The following MTR variants were observed in gnomAD, a reference collection of about 807,000 sequenced individuals.
The protein encoded by MTR is 5-methyltetrahydrofolate-homocysteine methyltransferase, also known as methionine synthase.
In MTR, 84 loss-of-function variants were observed where a neutral mutation model predicts 154.8. That is an observed-to-expected ratio of 0.54 (90% CI 0.45 to 0.65). The LOEUF is 0.65. Ranked by LOEUF, MTR falls within the 30% of genes least tolerant of loss-of-function variation. The pLI is 0.00. For synonymous variants in MTR, 554 were observed against 553.9 expected, an observed-to-expected ratio of 1.00 and a Z score of 0.00; for missense variants, 1,275 against 1,570.2, an observed-to-expected ratio of 0.81 and a Z score of 3.18.
chr1:236,819,499 G>T, intron 8 of MTR: 1 of 300,430 alleles, frequency 3.3e-6, no homozygotes, highest in African/African-American at 2.2e-5. Context: ...TCCCATTCAT[G>T]TATTGAAGAC....
At chr1:236,815,246 A>G (rs1301351292) in intron 6 of MTR, among the ~76,000 whole-genome samples, 1 of 152,206 alleles carries the variant, frequency 6.6e-6, no homozygotes, top group African/African-American at 2.4e-5. Flanking sequence ...CTCAACTGCA[A>G]CCTTGAGCTC....
At chr1:236,859,703 A>G (rs1257272929) in intron 18 of MTR, 130 bp from the exon 19 acceptor site, 1 of 719,034 alleles carries the variant, frequency 1.4e-6, no homozygotes, top group African/African-American at 1.7e-5. Context: ...TATGCTGGAC[A>G]GTCTACTAGG....
At chr1:236,863,086 C>T (rs1296301758) in intron 21 of MTR, among the ~76,000 whole-genome samples, 4 of 152,202 alleles carry the variant, frequency 2.6e-5, no homozygotes, top group Non-Finnish European at 5.9e-5. Context: ...GGGACATACA[C>T]ATACAGTTAA....
chr1:236,808,342 G>A (rs1303503178), intron 3 of MTR, among the ~76,000 whole-genome samples: 2 of 152,118 alleles, frequency 1.3e-5, no homozygotes, highest in African/African-American at 2.4e-5. Context: ...GCTTGAACCT[G>A]CGTGTTTTGC....
chr1:236,858,032 T>C (rs1403966651), intron 18 of MTR, among the ~76,000 whole-genome samples: 3 of 151,972 alleles, frequency 2.0e-5, no homozygotes, highest in Non-Finnish European at 4.4e-5. Flanking sequence ...AAAGAGTTGA[T>C]GGGGAGGGGA....
chr1:236,890,316 G>A (rs929406208), intron 28 of MTR, among the ~76,000 whole-genome samples: 7 of 152,120 alleles, frequency 4.6e-5, no homozygotes, highest in African/African-American at 9.7e-5. Flanking sequence ...CAGGGTGGCC[G>A]AGTCTCACGG....
intron 8 of MTR, among the ~76,000 whole-genome samples, chr1:236,822,606 G>A (rs536552039): frequency 4.6e-5 from 7 of 152,224 alleles, no homozygotes; most frequent in Admixed American, 3.9e-4. Context: ...CACTGTGCCT[G>A]TCCTGTGTTT....
chr1:236,852,689 G>T (rs1663978933), intron 17 of MTR, 52 bp downstream of exon 17: 1 of 1,524,182 alleles, frequency 6.6e-7, no homozygotes, highest in Non-Finnish European at 9.1e-7. Context: ...AGTTGGGGCA[G>T]GGGTTTTCAA....
At chr1:236,815,413 A>G (rs571908241) in intron 6 of MTR, among the ~76,000 whole-genome samples, 191 bp from the exon 7 acceptor site, 2 of 152,326 alleles carry the variant, frequency 1.3e-5, no homozygotes, top group South Asian at 4.1e-4. Context: ...TTTTGTTTCA[A>G]TATGCACAGT....
chr1:236,824,354 G>A (rs2103096328), intron 9 of MTR, 135 bp downstream of exon 9: 7 of 811,102 alleles, frequency 8.6e-6, no homozygotes, highest in Non-Finnish European at 1.5e-5. Context: ...AATGAAGAGT[G>A]TCTGGGTGCA....
intron 22 of MTR, 82 bp downstream of exon 22, chr1:236,863,636 G>T: frequency 1.7e-6 from 2 of 1,191,520 alleles, no homozygotes; most frequent in South Asian, 1.3e-5. Flanking sequence ...TCAATGGGTG[G>T]GAAGAGTAGG....
chr1:236,864,542 T>C (rs1311006722), intron 22 of MTR, among the ~76,000 whole-genome samples: 7 of 152,338 alleles, frequency 4.6e-5, no homozygotes, highest in Admixed American at 3.3e-4. Flanking sequence ...GTCTAAAGAC[T>C]TAGCGTTCTC....
intron 25 of MTR, among the ~76,000 whole-genome samples, chr1:236,881,135 T>A (rs1318200611): frequency 6.6e-6 from 1 of 152,172 alleles, no homozygotes; most frequent in Non-Finnish European, 1.5e-5. Flanking sequence ...CTCACAAACA[T>A]GAATAGATGT....
intron 25 of MTR, 74 bp downstream of exon 25, chr1:236,880,910 A>T: frequency 7.2e-7 from 1 of 1,391,296 alleles, no homozygotes; most frequent in Non-Finnish European, 1.0e-6. Context: ...TTAACTTAAG[A>T]TCTATTCATT....
In MTR at chr1:236,897,310, G is replaced by GCACACACA. The variant is rs57786802; in HGVS notation, c.3711+219_3712-214dup. On this transcript the variant is annotated intron_variant, in intron 32 of 32. Transcript: ENST00000366577. ...ACTTCTACATGCAAGCCACACACAC[G>GCACACACA]CACACACACACACACACACACACAC... Among the ~76,000 whole-genome samples, 914 of 128,664 alleles carry GCACACACA rather than the reference G, an allele frequency of 7.1e-3. 14 individuals carry two copies. Among genetic ancestry groups the GCACACACA allele is most frequent in the African/African-American group, 0.023 (831 of 36,424 alleles). The allele number at this position is 128,664 out of a possible 152,430, so 84.4% of individuals were successfully genotyped here. A position where few individuals can be genotyped will look rare whatever the true frequency, so the allele number is the denominator to read the frequency against.
chr1:236,852,989 T>C lies in MTR; in HGVS notation c.1854T>C (p.Pro618=). 2 of 1,614,088 alleles carry C rather than the reference T, an allele frequency of 1.2e-6. No homozygotes were observed. Among genetic ancestry groups the C allele is most frequent in the South Asian group, 1.1e-5 (1 of 91,088 alleles). ...GGATAGTGAATGCTGGAAACCTCCC[T>C]GTGTATGATGATATCCATAAGGAAC... The part of the protein sequence containing the change: ...DMGIVNAGNL[P]VYDDIHKELL... The change falls in exon 18 of 33, where the codon CCT becomes CCC. Residue 618 remains proline, a synonymous_variant. Transcript: ENST00000366577.
intron 12 of MTR, among the ~76,000 whole-genome samples, chr1:236,831,201 T>C (rs186741697): frequency 3.0e-4 from 46 of 152,314 alleles, no homozygotes; most frequent in South Asian, 2.3e-3. Context: ...ACTTTAAATG[T>C]AATGAATAGA....
chr1:236,874,712 A>G lies in MTR; in HGVS notation c.2474-14A>G. ...TCCTTTTTGTCCTTTTTTTTTTAAAAAAAAAAAAAATAGATATAATTGGCC... is the reference window on the plus strand; with the variant it reads ...TCCTTTTTGTCCTTTTTTTTTTAAAGAAAAAAAAAATAGATATAATTGGCC... On this transcript the variant is annotated splice_polypyrimidine_tract_variant and intron_variant, in intron 23 of 32. Coordinates refer to ENST00000366577, the MANE Select transcript of MTR (RefSeq NM_000254.3). The G allele has an allele frequency of 6.5e-7, 1 of 1,550,230 alleles. No homozygotes were observed. Among genetic ancestry groups the G allele is most frequent in the Non-Finnish European group, 8.7e-7 (1 of 1,151,340 alleles).
At position 236,808,760 on chromosome 1, in the gene MTR, A is replaced by G. The variant is rs1278314665; in HGVS notation, c.396A>G (p.Val132=). 1 of 1,614,188 alleles carries G rather than the reference A, an allele frequency of 6.2e-7. No homozygotes were observed. Among genetic ancestry groups the G allele is most frequent in the African/African-American group, 1.3e-5 (1 of 75,066 alleles). ...TGGCCAGAAAAGCTGCCGAGGAGGT[A>G]ACTCTCCAGACAGGTAGGGAATGTT... The part of the protein sequence containing the change: ...AGVARKAAEE[V]TLQTGIKRFV... The change falls in exon 4 of 33, where the codon GTA becomes GTG. Residue 132 remains valine, a synonymous_variant. Transcript: ENST00000366577.
Sources: allele counts gnomAD v4.1 joint callset (sites outside exome capture counted in the v4.1 genomes callset), GRCh38; gene constraint gnomAD v4.1.1; transcripts MANE v1.5; gene names NCBI Gene and HGNC (gene_info 2026-07-23, HGNC 2026-07-21).